BICC1: variants seen among roughly 807,000 people sequenced by gnomAD.
BICC1 encodes the protein protein bicaudal C homolog 1.
BICC1 carries 43 observed loss-of-function variants against 111.0 expected under a neutral mutation model. The observed-to-expected ratio is 0.39, with a 90% CI of 0.30 to 0.50. BICC1 has a LOEUF of 0.50. Ranked by LOEUF, BICC1 falls within the 20% of genes least tolerant of loss-of-function variation. The probability of loss-of-function intolerance (pLI) is 0.88; values close to 1 mark genes in which losing one functional copy is unlikely to be tolerated. For synonymous variants in BICC1, 467 were observed against 434.4 expected, an observed-to-expected ratio of 1.07 and a Z score of -0.93; for missense variants, 1,091 against 1,203.2, an observed-to-expected ratio of 0.91 and a Z score of 1.38.
intron 3 of BICC1, among the ~76,000 whole-genome samples, chr10:58,733,656 G>A (rs918172627): frequency 2.6e-5 from 4 of 152,286 alleles, no homozygotes; most frequent in African/African-American, 9.6e-5. Flanking sequence ...TACTCTCTTG[G>A]TCACTTGCTT....
chr10:58,800,690 A>G (rs1431460343), intron 13 of BICC1, among the ~76,000 whole-genome samples, 200 bp from the exon 14 acceptor site: 1 of 152,152 alleles, frequency 6.6e-6, no homozygotes, highest in African/African-American at 2.4e-5. Flanking sequence ...TCTTTAAAAT[A>G]TATGCGGGTC....
chr10:58,577,329 A>G (rs1350554008), intron 1 of BICC1, among the ~76,000 whole-genome samples: 2 of 152,230 alleles, frequency 1.3e-5, no homozygotes, highest in Non-Finnish European at 2.9e-5. Flanking sequence ...GATGGGAACC[A>G]ACATCATTCT....
intron 1 of BICC1, among the ~76,000 whole-genome samples, chr10:58,579,419 G>A (rs1844205137): frequency 6.6e-6 from 1 of 152,220 alleles, no homozygotes. Flanking sequence ...CTTCACCAAA[G>A]GAATGGCTTG....
intron 2 of BICC1, among the ~76,000 whole-genome samples, chr10:58,625,700 G>A (rs1182790760): frequency 6.6e-6 from 1 of 151,970 alleles, no homozygotes; most frequent in Non-Finnish European, 1.5e-5. Context: ...CATTACTTTT[G>A]GTGTTTTCAG....
intron 1 of BICC1, among the ~76,000 whole-genome samples, chr10:58,620,209 G>A (rs1385203614): frequency 6.6e-6 from 1 of 152,108 alleles, no homozygotes; most frequent in African/African-American, 2.4e-5. Flanking sequence ...ACTGAGAAAT[G>A]GGTTTGTCTT....
rs1843600182 is a variant in BICC1 at position 58,561,408 on chromosome 10, C to T, written c.190+48075C>T. On this transcript the variant is annotated intron_variant, in intron 1 of 20. Coordinates refer to ENST00000373886, the MANE Select transcript of BICC1 (RefSeq NM_001080512.3). ...TCTCTTTGTGTAGAATATTCTTGTT[C>T]ATCCCTTCATGTTCAGTCTGTGTGT... Among the ~76,000 whole-genome samples, 3 of 151,702 alleles carry T rather than the reference C, an allele frequency of 2.0e-5. No individual in the cohort carries two copies. The South Asian group carries it at 6.2e-4, about 32-fold the overall frequency.
intron 3 of BICC1, among the ~76,000 whole-genome samples, chr10:58,780,885 G>C (rs1842865618): frequency 6.6e-6 from 1 of 152,026 alleles, no homozygotes; most frequent in South Asian, 2.1e-4. Flanking sequence ...TTTTTAGCGG[G>C]TGTCCTTACG....
intron 3 of BICC1, among the ~76,000 whole-genome samples, chr10:58,716,776 AG>A (rs1840756905): frequency 6.6e-6 from 1 of 151,308 alleles, no homozygotes; most frequent in South Asian, 2.1e-4. Flanking sequence ...AGGAGCTTTT[AG>A]GGTTGGGGGG....
intron 1 of BICC1, among the ~76,000 whole-genome samples, chr10:58,600,195 A>G (rs1844981731): frequency 6.6e-6 from 1 of 152,050 alleles, no homozygotes; most frequent in African/African-American, 2.4e-5. Context: ...CCCAGCCCTT[A>G]CTGTTACAAC....
At chr10:58,671,004 A>G (rs1007302086) in intron 2 of BICC1, among the ~76,000 whole-genome samples, 6 of 152,150 alleles carry the variant, frequency 3.9e-5, no homozygotes, top group African/African-American at 1.2e-4. Flanking sequence ...ACATGGCTCT[A>G]CGTGGTTTGC....
intron 1 of BICC1, among the ~76,000 whole-genome samples, chr10:58,607,060 T>C: frequency 6.6e-6 from 1 of 152,140 alleles, no homozygotes; most frequent in East Asian, 1.9e-4. Flanking sequence ...CTCACGCCTG[T>C]AATTCCAGCA....
chr10:58,806,035 TA>T (rs1377494965), intron 15 of BICC1, among the ~76,000 whole-genome samples: 1 of 152,220 alleles, frequency 6.6e-6, no homozygotes. Context: ...CATTATAAAT[TA>T]AAGTTAGACA....
intron 1 of BICC1, among the ~76,000 whole-genome samples, chr10:58,579,780 A>G (rs1457280837): frequency 1.3e-5 from 2 of 152,220 alleles, no homozygotes; most frequent in East Asian, 3.9e-4. Context: ...AATTTAGCAT[A>G]AAGGGAGTAT....
At position 58,798,514 on chromosome 10, in the gene BICC1, C is replaced by T. The variant is rs1324535557; in HGVS notation, c.1482C>T (p.Ser494=). The change falls in exon 11 of 21, where the codon AGC becomes AGT. Residue 494 remains serine, a synonymous_variant. Coordinates refer to ENST00000373886, the MANE Select transcript of BICC1 (RefSeq NM_001080512.3). ...AAAGTCCAAGTTCTGGTACACCCAG[C>T]CCCACATTATGGGCACCCCCACTTG... is the stretch of plus-strand genomic sequence containing the variant. ...PLQSPSSGTP[S]PTLWAPPLAN... 1.2e-6 allele frequency: 2 copies of T among 1,612,398 alleles called. No homozygotes were observed. The highest frequency in any genetic ancestry group is 4.5e-5 in the East Asian group (2 of 44,736).
At chr10:58,816,074 A>G (rs1844077407) in intron 18 of BICC1, among the ~76,000 whole-genome samples, 2 of 152,168 alleles carry the variant, frequency 1.3e-5, no homozygotes, top group Admixed American at 1.3e-4. Context: ...CCCTATTTAT[A>G]CCAGTTGCTG....
At chr10:58,529,682 T>A (rs1211467700) in intron 1 of BICC1, among the ~76,000 whole-genome samples, 1 of 151,806 alleles carries the variant, frequency 6.6e-6, no homozygotes, top group Non-Finnish European at 1.5e-5. Flanking sequence ...ATTAGAACTT[T>A]TTATATGGGA....
In BICC1 at chr10:58,698,094, C is replaced by T. The variant is rs147865016; in HGVS notation, c.238-3980C>T. Among the ~76,000 whole-genome samples, 1,067 of 152,240 alleles carry T rather than the reference C, an allele frequency of 7.0e-3. 11 individuals are homozygous for T. Among genetic ancestry groups the T allele is most frequent in the African/African-American group, 0.024 (1,008 of 41,540 alleles). On this transcript the variant is annotated intron_variant, in intron 2 of 20. Coordinates refer to ENST00000373886, the MANE Select transcript of BICC1 (RefSeq NM_001080512.3). ...CATCCTAAGGAAAATTTTGACTTCCCGAAAGTGAGTAAGTGTGGCCCCTTC... is the reference window on the plus strand; with the variant it reads ...CATCCTAAGGAAAATTTTGACTTCCTGAAAGTGAGTAAGTGTGGCCCCTTC...
chr10:58,806,944 G>A, intron 16 of BICC1, 60 bp from the exon 17 acceptor site: 1 of 1,446,356 alleles, frequency 6.9e-7, no homozygotes. Flanking sequence ...CTTATCATCA[G>A]TATTTTATTG....
intron 1 of BICC1, among the ~76,000 whole-genome samples, chr10:58,586,786 A>T (rs1006221713): frequency 6.6e-6 from 1 of 152,186 alleles, no homozygotes; most frequent in Non-Finnish European, 1.5e-5. Context: ...TCCCATAAAC[A>T]TATGGATATC....
Sources: gnomAD v4.1 joint callset for allele counts (sites outside exome capture counted in the v4.1 genomes callset) on GRCh38, gnomAD v4.1.1 for gene constraint, MANE v1.5 for transcripts, NCBI Gene and HGNC (gene_info 2026-07-23, HGNC 2026-07-21) for gene names.